MAPK10: variants seen among roughly 807,000 people sequenced by gnomAD.
The protein encoded by MAPK10 is JNK3 alpha protein kinase.
MAPK10 carries 25 observed loss-of-function variants against 59.3 expected under a neutral mutation model. The observed-to-expected ratio is 0.42, with a 90% CI of 0.31 to 0.59. MAPK10 has a LOEUF of 0.59. Among genes scored for constraint, MAPK10 ranks in the 20% least tolerant of loss-of-function variants. MAPK10 has a pLI of 0.15. For missense variants in MAPK10, 351 were observed against 568.9 expected (o/e 0.62, Z 3.90); for synonymous variants, 190 against 200.5 (o/e 0.95, Z 0.44).
At chr4:86,094,767 G>A (rs528678546) in intron 9 of MAPK10, among the ~76,000 whole-genome samples, 48 of 151,786 alleles carry the variant, frequency 3.2e-4, no homozygotes, top group African/African-American at 1.1e-3. Flanking sequence ...TTTATTGAAA[G>A]GAACAAAATC....
chr4:86,021,148 G>A (rs1001209496), intron 13 of MAPK10, among the ~76,000 whole-genome samples: 1 of 152,164 alleles, frequency 6.6e-6, no homozygotes, highest in Non-Finnish European at 1.5e-5. Context: ...AGTGTGGATT[G>A]GTGCACTCAC....
At chr4:86,428,738 T>C (rs551342442) in intron 1 of MAPK10, among the ~76,000 whole-genome samples, 1 of 152,352 alleles carries the variant, frequency 6.6e-6, no homozygotes, top group Non-Finnish European at 1.5e-5. Context: ...ACATTCTTAT[T>C]AACATTTCAC....
intron 1 of MAPK10, among the ~76,000 whole-genome samples, chr4:86,565,523 A>G (rs72665753): frequency 0.23 from 34,403 of 152,192 alleles, 4,617 homozygotes; most frequent in Admixed American, 0.3. Context: ...TGAGTCACAG[A>G]AAGGTCTTCA....
intron 2 of MAPK10, among the ~76,000 whole-genome samples, chr4:86,197,383 T>C (rs2081574122): frequency 6.6e-6 from 1 of 152,190 alleles, no homozygotes; most frequent in Non-Finnish European, 1.5e-5. Flanking sequence ...TGTATAGGAA[T>C]GCTTGTGATT....
intron 1 of MAPK10, among the ~76,000 whole-genome samples, chr4:86,436,505 A>T (rs1374817446): frequency 6.6e-6 from 1 of 152,160 alleles, no homozygotes; most frequent in East Asian, 1.9e-4. Context: ...GCACCAATGT[A>T]GCCTTTTTTT....
intron 1 of MAPK10, among the ~76,000 whole-genome samples, chr4:86,533,983 G>C (rs879016707): frequency 2.6e-5 from 4 of 152,076 alleles, no homozygotes; most frequent in Admixed American, 2.0e-4. Flanking sequence ...ATGAGCCCCT[G>C]GTGCCTCTAA....
chr4:86,450,903 C>G (rs1458614226), intron 1 of MAPK10, among the ~76,000 whole-genome samples: 1 of 152,126 alleles, frequency 6.6e-6, no homozygotes. Flanking sequence ...AAGTTATTTT[C>G]TTTTTCTTCT....
intron 13 of MAPK10, chr4:86,028,310 CAAGTCTACTGGTGAGAA>C (rs1428092400): frequency 6.6e-6 from 1 of 152,058 alleles, no homozygotes; most frequent in African/African-American, 2.4e-5. Flanking sequence ...AGTATTTTTT[CAAGTCTACTGGTGAGAA>C]AAGCATGTCA....
At chr4:86,478,703 T>C (rs1015282758) in intron 1 of MAPK10, among the ~76,000 whole-genome samples, 2 of 152,170 alleles carry the variant, frequency 1.3e-5, no homozygotes, top group African/African-American at 4.8e-5. Context: ...ATCTCTCTGA[T>C]CCACCTGACA....
Position 86,257,065 on chromosome 4 carries a change from C to A in MAPK10, c.-6-62658G>T, listed in dbSNP as rs374139382. ...TACAACAGATAGCTGGCCATGCTAT[C>A]TCAATTCCTCTGTCTTTCCTTCAAA... On this transcript the variant is annotated intron_variant, in intron 2 of 13. Coordinates refer to ENST00000641462, the MANE Select transcript of MAPK10 (RefSeq NM_138982.4). Among the ~76,000 whole-genome samples, 3 of 152,248 alleles carry A rather than the reference C, an allele frequency of 2.0e-5. No individual in the cohort carries two copies. The South Asian group carries it at 6.2e-4, about 32-fold the overall frequency.
At chr4:86,388,669 G>T (rs1221135030) in intron 1 of MAPK10, among the ~76,000 whole-genome samples, 1 of 152,100 alleles carries the variant, frequency 6.6e-6, no homozygotes, top group Admixed American at 6.5e-5. Flanking sequence ...CAAGGATGGC[G>T]ATTGAATCCA....
At chr4:86,456,522 T>C (rs1751241666), upstream of MAPK10, among the ~76,000 whole-genome samples, 1 of 152,080 alleles carries the variant, frequency 6.6e-6, no homozygotes, top group African/African-American at 2.4e-5. Flanking sequence ...AAGGCTACTA[T>C]GAACACCTTT....
intron 1 of MAPK10, among the ~76,000 whole-genome samples, chr4:86,480,622 T>C (rs941441944): frequency 3.9e-5 from 6 of 152,188 alleles, no homozygotes; most frequent in Non-Finnish European, 7.3e-5. Flanking sequence ...GATGATAAAA[T>C]TTGTAGCCAA....
In MAPK10 at chr4:86,291,358, C is replaced by T. The variant is rs367918530; in HGVS notation, c.-7+63172G>A. Among the ~76,000 whole-genome samples, 9 of 152,234 alleles carry T rather than the reference C, an allele frequency of 5.9e-5. No individual in the cohort carries two copies. The East Asian group carries it at 7.7e-4, about 13-fold the overall frequency. On this transcript the variant is annotated intron_variant, in intron 2 of 13. Coordinates refer to ENST00000641462, the MANE Select transcript of MAPK10 (RefSeq NM_138982.4). Reference sequence around the variant, plus strand: ...AGCTGTTGAAATCTTTTACAGGTCCCGAGTCGGCCAATGCCAGATAGATGT... The same window carrying T: ...AGCTGTTGAAATCTTTTACAGGTCCTGAGTCGGCCAATGCCAGATAGATGT...
intron 2 of MAPK10, among the ~76,000 whole-genome samples, chr4:86,198,071 T>C (rs72662084): frequency 0.03 from 4,561 of 152,214 alleles, 130 homozygotes; most frequent in Non-Finnish European, 0.044. Flanking sequence ...AGAAACTAGA[T>C]TCCTGTTGGA....
At chr4:86,146,716 C>T (rs1265733602) in intron 4 of MAPK10, among the ~76,000 whole-genome samples, 1 of 152,194 alleles carries the variant, frequency 6.6e-6, no homozygotes. Flanking sequence ...AATCTTTCCC[C>T]TATCTACTTC....
intron 2 of MAPK10, among the ~76,000 whole-genome samples, chr4:86,312,007 T>C (rs952678234): frequency 2.0e-5 from 3 of 152,120 alleles, no homozygotes; most frequent in African/African-American, 7.2e-5. Context: ...TTATCCTATC[T>C]GACCATGATT....
chr4:86,147,320 T>C (rs1239841005), intron 4 of MAPK10, among the ~76,000 whole-genome samples: 3 of 152,146 alleles, frequency 2.0e-5, no homozygotes, highest in Non-Finnish European at 4.4e-5. Flanking sequence ...ACTCCTCCAG[T>C]CTTAAGCGAT....
chr4:86,326,301 T>C (rs1382141124), intron 2 of MAPK10: 1 of 152,200 alleles, frequency 6.6e-6, no homozygotes, highest in Non-Finnish European at 1.5e-5. Flanking sequence ...AAATGTCGGC[T>C]TTATGGAAGT....
Sources: allele counts gnomAD v4.1 joint callset (sites outside exome capture counted in the v4.1 genomes callset), GRCh38; gene constraint gnomAD v4.1.1; transcripts MANE v1.5; gene names NCBI Gene and HGNC (gene_info 2026-07-23, HGNC 2026-07-21).